FAM83B: variants seen among roughly 807,000 people sequenced by gnomAD.
The protein encoded by FAM83B is scaffolding CK1 anchoring protein B, also known as protein FAM83B.
A neutral mutation model predicts 38.8 loss-of-function variants in FAM83B; 26 were observed. That is an observed-to-expected ratio of 0.67 (90% confidence interval 0.49 to 0.93). The LOEUF (loss-of-function observed/expected upper bound fraction) is 0.93. Ranked by LOEUF, FAM83B falls within the 40% of genes least tolerant of loss-of-function variation. FAM83B has a pLI of 0.00. For synonymous variants in FAM83B, 419 were observed against 423.1 expected, an observed-to-expected ratio of 0.99 and a Z score of 0.12; for missense variants, 1,237 against 1,197.3, an observed-to-expected ratio of 1.03 and a Z score of -0.49.
chr6:54,888,016 T>G (rs1235925241), intron 2 of FAM83B, among the ~76,000 whole-genome samples: 12 of 149,916 alleles, frequency 8.0e-5, no homozygotes, highest in African/African-American at 3.0e-4. Context: ...TTCCTTTTTT[T>G]GTTTTTTTTT....
intron 2 of FAM83B, among the ~76,000 whole-genome samples, chr6:54,876,278 C>CATAAT (rs1771991363): frequency 1.0e-5 from 1 of 96,198 alleles, no homozygotes; most frequent in Non-Finnish European, 2.0e-5. Flanking sequence ...TTTAGGAGTG[C>CATAAT]ATATATATAT....
intron 2 of FAM83B, among the ~76,000 whole-genome samples, chr6:54,917,874 C>CT (rs757660782): frequency 2.0e-5 from 3 of 152,138 alleles, no homozygotes; most frequent in African/African-American, 4.8e-5. Flanking sequence ...AGCCCTCTCT[C>CT]TAACTCTTGT....
chr6:54,920,067 A>G (rs1164814076), intron 2 of FAM83B, among the ~76,000 whole-genome samples: 2 of 151,998 alleles, frequency 1.3e-5, no homozygotes, highest in Non-Finnish European at 2.9e-5. Flanking sequence ...AAGCAATACT[A>G]TAGTGCACAC....
Position 54,941,834 on chromosome 6 carries a change from A to G in FAM83B, c.2863A>G (p.Asn955Asp), listed in dbSNP as rs1373154698. The G allele has an allele frequency of 1.9e-6, 3 of 1,614,160 alleles. 1 individual carries two copies. The South Asian group carries it at 3.3e-5, about 18-fold the overall frequency. ...SSIQPTSNMP[N>D]TSINRPEIKS... is the part of the protein sequence containing the mutation. The stretch of plus-strand genomic sequence containing the variant: ...TATTCAGCCAACAAGCAACATGCCA[A>G]ATACCAGTATAAATCGCCCAGAAAT... Residue 955 changes from asparagine (N) to aspartate (D), a missense_variant, in exon 5 of 5, where the codon AAT (asparagine) becomes GAT (aspartate). Asn to Asp is a conservative substitution (Grantham distance 23). Transcript: ENST00000306858.
intron 2 of FAM83B, among the ~76,000 whole-genome samples, chr6:54,902,108 C>T (rs1485870233): frequency 6.6e-6 from 1 of 152,146 alleles, no homozygotes; most frequent in African/African-American, 2.4e-5. Context: ...TTCTTTCTCA[C>T]ATTGACACCA....
Position 54,899,679 on chromosome 6 carries a change from A to G in FAM83B, c.445-26692A>G, listed in dbSNP as rs933131405. On this transcript the variant is annotated intron_variant, in intron 2 of 4. Transcript: ENST00000306858. The stretch of plus-strand genomic sequence containing the variant: ...AAGGGGCGGGGAGCTCTCTGATACC[A>G]GCTTTATAAGGGCACTGATTCCATT... Among the ~76,000 whole-genome samples, 3 of 152,144 alleles carry G rather than the reference A, an allele frequency of 2.0e-5. No individual in the cohort carries two copies. In the East Asian group the frequency reaches 5.8e-4, roughly 29 times the overall value.
chr6:54,853,376 C>T (rs1339725860), intron 1 of FAM83B, among the ~76,000 whole-genome samples: 1 of 152,132 alleles, frequency 6.6e-6, no homozygotes, highest in Non-Finnish European at 1.5e-5. Context: ...TCTAGTATTT[C>T]AGAGCTAGAG....
intron 2 of FAM83B, among the ~76,000 whole-genome samples, chr6:54,915,333 C>G (rs1773008796): frequency 6.6e-6 from 1 of 152,154 alleles, no homozygotes; most frequent in South Asian, 2.1e-4. Context: ...TCTCTACACC[C>G]TAGAGATTTC....
At chr6:54,911,482 T>C (rs1772908062) in intron 2 of FAM83B, among the ~76,000 whole-genome samples, 1 of 152,148 alleles carries the variant, frequency 6.6e-6, no homozygotes, top group African/African-American at 2.4e-5. Flanking sequence ...TTGAATAAGT[T>C]ACATACTGTC....
At chr6:54,859,180 G>A (rs1193391836) in intron 1 of FAM83B, among the ~76,000 whole-genome samples, 1 of 151,860 alleles carries the variant, frequency 6.6e-6, no homozygotes, top group Non-Finnish European at 1.5e-5. Context: ...CCCTGCCGCA[G>A]CCTCCTGAGT....
At chr6:54,847,647 G>A (rs559636217) in intron 1 of FAM83B, among the ~76,000 whole-genome samples, 1 of 152,100 alleles carries the variant, frequency 6.6e-6, no homozygotes, top group African/African-American at 2.4e-5. Flanking sequence ...CCTGTGTAAG[G>A]TTAATGGACA....
chr6:54,928,335 A>G (rs1461253775), intron 4 of FAM83B, among the ~76,000 whole-genome samples: 1 of 152,204 alleles, frequency 6.6e-6, no homozygotes, highest in Non-Finnish European at 1.5e-5. Flanking sequence ...CTGTCTTAGT[A>G]ACAGAAAGTC....
At chr6:54,926,794 G>T (rs574810328) in intron 3 of FAM83B, among the ~76,000 whole-genome samples, 2 of 152,088 alleles carry the variant, frequency 1.3e-5, no homozygotes, top group Non-Finnish European at 2.9e-5. Context: ...GTGCACTGGT[G>T]CATTCTCAGC....
chr6:54,936,269 A>G (rs535567037), intron 4 of FAM83B, among the ~76,000 whole-genome samples: 17 of 152,248 alleles, frequency 1.1e-4, no homozygotes, highest in African/African-American at 4.1e-4. Flanking sequence ...ATTGCCACAC[A>G]TTCACCAACA....
At chr6:54,934,802 C>T (rs1413674216) in intron 4 of FAM83B, among the ~76,000 whole-genome samples, 1 of 152,054 alleles carries the variant, frequency 6.6e-6, no homozygotes, top group Non-Finnish European at 1.5e-5. Flanking sequence ...ATCAATCTTC[C>T]TGTTTCTCTA....
chr6:54,913,471 A>C lies in FAM83B; in HGVS notation c.445-12900A>C, dbSNP rs1443072929. On this transcript the variant is annotated intron_variant, in intron 2 of 4. Transcript: ENST00000306858. ...ATGAGGAAATAGAGGCTCAGAGATAATTTTCTTCTCTCAGTTTGCCCGAGT... is the reference window on the plus strand; with the variant it reads ...ATGAGGAAATAGAGGCTCAGAGATACTTTTCTTCTCTCAGTTTGCCCGAGT... Among the ~76,000 whole-genome samples the C allele has an allele frequency of 2.6e-5, 4 of 152,062 alleles. No homozygotes were observed. In the East Asian group the frequency reaches 7.7e-4, roughly 29 times the overall value.
At chr6:54,865,083 T>G (rs753654770) in intron 1 of FAM83B, among the ~76,000 whole-genome samples, 2 of 152,214 alleles carry the variant, frequency 1.3e-5, no homozygotes, top group Non-Finnish European at 2.9e-5. Flanking sequence ...AATAAAAGCA[T>G]TTTTGTACGC....
chr6:54,913,054 C>A (rs72957235), intron 2 of FAM83B, among the ~76,000 whole-genome samples: 4 of 151,836 alleles, frequency 2.6e-5, no homozygotes, highest in Admixed American at 6.6e-5. Flanking sequence ...TTTTCCTTTG[C>A]AGTATATTTG....
At chr6:54,937,249 G>C (rs955946183) in intron 4 of FAM83B, among the ~76,000 whole-genome samples, 30 of 151,596 alleles carry the variant, frequency 2.0e-4, no homozygotes, top group African/African-American at 6.5e-4. Context: ...TAAATCACTA[G>C]ATTTTCAAAA....
Sources: gnomAD v4.1 joint callset for allele counts (sites outside exome capture counted in the v4.1 genomes callset) on GRCh38, gnomAD v4.1.1 for gene constraint, MANE v1.5 for transcripts, NCBI Gene and HGNC (gene_info 2026-07-23, HGNC 2026-07-21) for gene names.